Variants in TRPM3 observed in about 807,000 individuals in gnomAD.
TRPM3 encodes the protein long transient receptor potential channel 3.
Under a neutral mutation model 181.2 loss-of-function variants are expected in TRPM3, and 77 were observed. The ratio of observed to expected loss-of-function variants is 0.42; its 90% CI spans 0.35 to 0.51. TRPM3 has a LOEUF of 0.51. TRPM3 is among the 20% of genes least tolerant of loss of function. The pLI, the probability that TRPM3 is intolerant of heterozygous loss-of-function variation, is 0.01. For synonymous variants in TRPM3, 745 were observed against 796.4 expected, an observed-to-expected ratio of 0.94 and a Z score of 1.09; for missense variants, 1,759 against 2,196.7, an observed-to-expected ratio of 0.80 and a Z score of 3.98.
intron 8 of TRPM3, among the ~76,000 whole-genome samples, chr9:70,689,678 A>G (rs985694222): frequency 1.3e-5 from 2 of 152,096 alleles, no homozygotes; most frequent in African/African-American, 4.8e-5. Flanking sequence ...CATAGGCAGC[A>G]CCAATTTACC....
At chr9:71,205,853 C>G (rs2131762803) in intron 1 of TRPM3, among the ~76,000 whole-genome samples, 1 of 152,252 alleles carries the variant, frequency 6.6e-6, no homozygotes, top group African/African-American at 2.4e-5. Flanking sequence ...GAGAAATGAC[C>G]TAAATCCCTG....
intron 1 of TRPM3, among the ~76,000 whole-genome samples, chr9:71,114,751 A>G (rs2045027578): frequency 6.6e-6 from 1 of 152,154 alleles, no homozygotes; most frequent in Non-Finnish European, 1.5e-5. Context: ...TTGAGTGACC[A>G]CTGCAAGCCC....
At position 70,938,464 on chromosome 9, in the gene TRPM3, T is replaced by A. The variant is rs1019410043; in HGVS notation, c.178-73953A>T. On this transcript the variant is annotated intron_variant, in intron 1 of 25. Coordinates refer to ENST00000677713, the MANE Select transcript of TRPM3 (RefSeq NM_001366145.2). ...CTACATTTGGTGAATATGTCTCTAT[T>A]TAATCCTGTCTTTTTTTTCTATCTC... Among the ~76,000 whole-genome samples the A allele has an allele frequency of 5.9e-5, 9 of 152,162 alleles. No individual in the cohort carries two copies. In the South Asian group the frequency reaches 1.9e-3, roughly 32 times the overall value.
At chr9:70,587,439 A>C (rs2057332765) in intron 22 of TRPM3, among the ~76,000 whole-genome samples, 1 of 152,188 alleles carries the variant, frequency 6.6e-6, no homozygotes, top group Non-Finnish European at 1.5e-5. Context: ...GGGCTGGAGA[A>C]AGCCAGAGAC....
intron 1 of TRPM3, among the ~76,000 whole-genome samples, chr9:70,986,645 C>A (rs1000087255): frequency 3.3e-5 from 5 of 152,104 alleles, no homozygotes; most frequent in Non-Finnish European, 7.4e-5. Context: ...GTGAATTAGC[C>A]AGTTTTGGAA....
intron 1 of TRPM3, among the ~76,000 whole-genome samples, chr9:71,135,321 G>C (rs1038396832): frequency 2.6e-5 from 4 of 152,162 alleles, no homozygotes; most frequent in African/African-American, 9.7e-5. Flanking sequence ...AGAAGCAGAA[G>C]CCATGGAGAT....
At chr9:70,804,533 G>A (rs1327534842) in intron 6 of TRPM3, among the ~76,000 whole-genome samples, 1 of 152,030 alleles carries the variant, frequency 6.6e-6, no homozygotes, top group African/African-American at 2.4e-5. Context: ...ACTTACAAGG[G>A]TTAAAGAAAA....
At chr9:70,648,239 T>C (rs1305238291) in intron 9 of TRPM3, among the ~76,000 whole-genome samples, 1 of 152,114 alleles carries the variant, frequency 6.6e-6, no homozygotes, top group Non-Finnish European at 1.5e-5. Context: ...TTTTGGGAGA[T>C]GGAGGCAGGA....
At chr9:71,443,334 GA>G (rs202104581) in intron 1 of TRPM3, among the ~76,000 whole-genome samples, 2,249 of 142,088 alleles carry the variant, frequency 0.016, 24 homozygotes, top group African/African-American at 0.027. Flanking sequence ...TACAAAAATG[GA>G]AAAAAAAAAA....
At chr9:70,560,920 G>C (rs140458503) in intron 22 of TRPM3, among the ~76,000 whole-genome samples, 1 of 152,166 alleles carries the variant, frequency 6.6e-6, no homozygotes, top group East Asian at 1.9e-4. Context: ...GCAGGGAAAA[G>C]AAGTATTTAT....
At position 70,537,234 on chromosome 9, in the gene TRPM3, G is replaced by A. The variant is rs2042011910; in HGVS notation, c.3879C>T (p.Ile1293=). The A allele has an allele frequency of 6.3e-7, 1 of 1,597,328 alleles. No individual in the cohort carries two copies. Among genetic ancestry groups the A allele is most frequent in the South Asian group, 1.1e-5 (1 of 90,070 alleles). Residue 1293 remains isoleucine (I), a synonymous_variant, in exon 26 of 26, where the codon ATC becomes ATT. Coordinates refer to ENST00000677713, the MANE Select transcript of TRPM3 (RefSeq NM_001366145.2). The part of the protein sequence containing the change: ...TGLERAESNK[I]RSRTSSDCTD... Reference sequence around the variant, plus strand: ...TGCAGTCTGACGAGGTCCTCGAGCGGATTTTGTTGGACTCGGCCCGCTCCA... The same window carrying A: ...TGCAGTCTGACGAGGTCCTCGAGCGAATTTTGTTGGACTCGGCCCGCTCCA...
intron 1 of TRPM3, among the ~76,000 whole-genome samples, chr9:70,965,751 T>C (rs1166180348): frequency 6.6e-6 from 1 of 152,090 alleles, no homozygotes; most frequent in Non-Finnish European, 1.5e-5. Flanking sequence ...CCTGAGGTTT[T>C]CTTTTTTCAT....
intron 1 of TRPM3, among the ~76,000 whole-genome samples, chr9:71,037,850 A>G (rs1420227860): frequency 1.3e-5 from 2 of 152,240 alleles, no homozygotes; most frequent in African/African-American, 4.8e-5. Flanking sequence ...GCCACAGATA[A>G]GAGTCCTAAT....
chr9:70,852,886 A>G (rs962274789), intron 3 of TRPM3, among the ~76,000 whole-genome samples: 2 of 152,130 alleles, frequency 1.3e-5, no homozygotes, highest in Non-Finnish European at 2.9e-5. Flanking sequence ...GTTTCATCCA[A>G]CGTGACTTTT....
At chr9:71,171,567 G>A (rs895170471) in intron 1 of TRPM3, among the ~76,000 whole-genome samples, 3 of 152,138 alleles carry the variant, frequency 2.0e-5, no homozygotes, top group African/African-American at 7.2e-5. Context: ...CTTTTACTAT[G>A]TACTGAGTGT....
At position 71,294,875 on chromosome 9, in the gene TRPM3, C is replaced by T. The variant is rs146473246; in HGVS notation, c.183+151778G>A. Among the ~76,000 whole-genome samples the T allele has an allele frequency of 3.2e-3, 480 of 152,122 alleles. 2 individuals carry two copies. Among genetic ancestry groups the T allele is most frequent in the African/African-American group, 0.011 (448 of 41,520 alleles). ...AAAAAACAAATCACAAAACAATATA[C>T]CTAATATGATTCCATTTATATGAAA... is the stretch of plus-strand genomic sequence containing the variant. On this transcript the variant is annotated intron_variant, in intron 1 of 24. Transcript: ENST00000357533.
Position 71,198,988 on chromosome 9 carries a change from A to G in TRPM3, c.183+247665T>C, listed in dbSNP as rs868186945. On this transcript the variant is annotated intron_variant, in intron 1 of 24. Transcript: ENST00000357533. ...GAATGCTTCCAGTTTTTGCCCATTC[A>G]GTATGATATTGGCTGTGGGTTTGTC... Among the ~76,000 whole-genome samples, 82 of 134,888 alleles carry G rather than the reference A, an allele frequency of 6.1e-4. 1 individual carries two copies. The South Asian group carries it at 0.019, about 32-fold the overall frequency. 88.5% of individuals were successfully genotyped at this position (134,888 alleles called of 152,430 possible).
At chr9:70,634,822 G>C (rs1469333742) in intron 12 of TRPM3, among the ~76,000 whole-genome samples, 1 of 152,164 alleles carries the variant, frequency 6.6e-6, no homozygotes, top group Non-Finnish European at 1.5e-5. Flanking sequence ...TGCTAGATGT[G>C]ACATTGTATC....
intron 9 of TRPM3, among the ~76,000 whole-genome samples, chr9:70,669,649 C>A (rs2134049017): frequency 6.6e-6 from 1 of 152,286 alleles, no homozygotes; most frequent in East Asian, 1.9e-4. Flanking sequence ...GTCAAAATAT[C>A]AGAGGACAGG....
Sources: allele counts gnomAD v4.1 joint callset (sites outside exome capture counted in the v4.1 genomes callset), GRCh38; gene constraint gnomAD v4.1.1; transcripts MANE v1.5; gene names NCBI Gene and HGNC (gene_info 2026-07-23, HGNC 2026-07-21).